The following PAK5 variants were observed in gnomAD, a reference collection of about 807,000 sequenced individuals.
The protein encoded by PAK5 is p21 (RAC1) activated kinase 5.
PAK5 carries 16 observed loss-of-function variants against 65.9 expected under a neutral mutation model. The observed-to-expected ratio is 0.24, with a 90% CI of 0.16 to 0.37. The LOEUF is 0.37. Ranked by LOEUF, PAK5 falls within the 10% of genes least tolerant of loss-of-function variation. The probability of loss-of-function intolerance (pLI) is 1.00; values close to 1 mark genes in which losing one functional copy is unlikely to be tolerated. For synonymous variants in PAK5, 371 were observed against 354.9 expected (o/e 1.05, Z -0.51); for missense variants, 785 against 903.9 (o/e 0.87, Z 1.69).
At chr20:9,782,831 A>C (rs1415289426) in intron 1 of PAK5, among the ~76,000 whole-genome samples, 1 of 152,136 alleles carries the variant, frequency 6.6e-6, no homozygotes, top group Non-Finnish European at 1.5e-5. Context: ...GTCCCAGAGG[A>C]GGCCCCACCC....
chr20:9,610,857 C>T (rs149514192), intron 3 of PAK5, among the ~76,000 whole-genome samples: 105 of 152,254 alleles, frequency 6.9e-4, no homozygotes, highest in Non-Finnish European at 1.1e-3. Context: ...GAGATTAGTG[C>T]CCTTATAAAA....
intron 1 of PAK5, among the ~76,000 whole-genome samples, chr20:9,749,946 C>T (rs545167956): frequency 6.6e-5 from 10 of 152,270 alleles, no homozygotes; most frequent in Middle Eastern, 3.4e-3. Flanking sequence ...CACTGCCTTA[C>T]GTTATCAGCT....
chr20:9,772,148 G>A (rs77467524), intron 1 of PAK5, among the ~76,000 whole-genome samples: 2,153 of 152,152 alleles, frequency 0.014, 76 homozygotes, highest in East Asian at 0.14. Flanking sequence ...ACAAATTTCC[G>A]AAAACTAAGG....
chr20:9,774,736 G>C (rs1375386315), intron 1 of PAK5, among the ~76,000 whole-genome samples: 1 of 152,040 alleles, frequency 6.6e-6, no homozygotes, highest in Non-Finnish European at 1.5e-5. Context: ...GAGGTCAGGA[G>C]ATCGAGACCA....
intron 3 of PAK5, among the ~76,000 whole-genome samples, chr20:9,628,541 A>G (rs1223144952): frequency 6.6e-6 from 1 of 152,236 alleles, no homozygotes; most frequent in Non-Finnish European, 1.5e-5. Context: ...TTCTGTTATA[A>G]CATTATGTTT....
At chr20:9,645,328 A>G (rs1241180048) in intron 2 of PAK5, among the ~76,000 whole-genome samples, 1 of 152,256 alleles carries the variant, frequency 6.6e-6, no homozygotes, top group East Asian at 1.9e-4. Context: ...TAGGCAAAGT[A>G]TGCTTTATGA....
At chr20:9,809,042 A>AT (rs1357999256) in intron 1 of PAK5, among the ~76,000 whole-genome samples, 1 of 151,990 alleles carries the variant, frequency 6.6e-6, no homozygotes, top group Non-Finnish European at 1.5e-5. Flanking sequence ...ATATTATTCT[A>AT]TTTTTTATGT....
In PAK5 at chr20:9,544,366, T is replaced by C; in HGVS notation, c.1869+3A>G. ...GCCACGCCTATGACTGTGACCCCCTTACCTCTGTCCCATAAGGTAGCCTAG... is the reference window on the plus strand; with the variant it reads ...GCCACGCCTATGACTGTGACCCCCTCACCTCTGTCCCATAAGGTAGCCTAG... On this transcript the variant is annotated splice_donor_region_variant and intron_variant, in intron 8 of 9. Transcript: ENST00000353224. 3 of 1,613,644 alleles carry C rather than the reference T, an allele frequency of 1.9e-6. No homozygotes were observed. Among genetic ancestry groups the C allele is most frequent in the Non-Finnish European group, 2.5e-6 (3 of 1,179,872 alleles).
At chr20:9,579,240 C>A (rs1433540201) in intron 4 of PAK5, among the ~76,000 whole-genome samples, 4 of 152,172 alleles carry the variant, frequency 2.6e-5, no homozygotes, top group Non-Finnish European at 5.9e-5. Flanking sequence ...TGCTTCAAGA[C>A]CTCTATGTAA....
At chr20:9,715,231 C>T (rs1360348587) in intron 1 of PAK5, among the ~76,000 whole-genome samples, 4 of 152,054 alleles carry the variant, frequency 2.6e-5, no homozygotes, top group African/African-American at 9.7e-5. Context: ...AACAAGTGGG[C>T]AAAGGATATG....
At chr20:9,699,907 C>T (rs1489733907) in intron 2 of PAK5, among the ~76,000 whole-genome samples, 2 of 152,134 alleles carry the variant, frequency 1.3e-5, no homozygotes, top group South Asian at 2.1e-4. Flanking sequence ...ACTTAAGAAC[C>T]TCCTTCAAAT....
chr20:9,621,320 A>C (rs2046764050), intron 3 of PAK5, among the ~76,000 whole-genome samples: 1 of 152,022 alleles, frequency 6.6e-6, no homozygotes, highest in African/African-American at 2.4e-5. Context: ...GCAGAATTTA[A>C]CAAATAATAG....
intron 1 of PAK5, among the ~76,000 whole-genome samples, chr20:9,832,339 C>T (rs1378426410): frequency 6.6e-6 from 1 of 152,052 alleles, no homozygotes; most frequent in East Asian, 1.9e-4. Flanking sequence ...GTAACGCGAT[C>T]TCGGCTTACT....
intron 1 of PAK5, among the ~76,000 whole-genome samples, chr20:9,836,898 G>A (rs139646107): frequency 2.2e-3 from 342 of 152,256 alleles, no homozygotes; most frequent in South Asian, 5.8e-3. Context: ...GCTTAGGAAA[G>A]TTAAATAATT....
intron 4 of PAK5, among the ~76,000 whole-genome samples, chr20:9,568,429 A>G (rs2123011981): frequency 6.6e-6 from 1 of 152,306 alleles, no homozygotes; most frequent in South Asian, 2.1e-4. Context: ...GCAACAGGCC[A>G]TTTAATGAGA....
chr20:9,701,047 C>T (rs552217687), intron 2 of PAK5, among the ~76,000 whole-genome samples: 1 of 152,100 alleles, frequency 6.6e-6, no homozygotes, highest in Non-Finnish European at 1.5e-5. Flanking sequence ...TTACACAGGC[C>T]TACGTTTCCC....
intron 7 of PAK5, among the ~76,000 whole-genome samples, chr20:9,549,523 A>T (rs2045395253): frequency 6.6e-6 from 1 of 152,206 alleles, no homozygotes; most frequent in Non-Finnish European, 1.5e-5. Context: ...ACCAACTAGC[A>T]TGAAAATCTT....
At chr20:9,674,017 G>C (rs2047535158) in intron 2 of PAK5, among the ~76,000 whole-genome samples, 1 of 152,170 alleles carries the variant, frequency 6.6e-6, no homozygotes, top group African/African-American at 2.4e-5. Context: ...GCATGCAAAT[G>C]GGACTGATGT....
chr20:9,781,814 C>T (rs2048943579), intron 1 of PAK5, among the ~76,000 whole-genome samples: 1 of 152,142 alleles, frequency 6.6e-6, no homozygotes, highest in African/African-American at 2.4e-5. Context: ...CTCACTTCCT[C>T]CACTGTTAAC....
Sources: gnomAD v4.1 joint callset for allele counts (sites outside exome capture counted in the v4.1 genomes callset) on GRCh38, gnomAD v4.1.1 for gene constraint, MANE v1.5 for transcripts, NCBI Gene and HGNC (gene_info 2026-07-23, HGNC 2026-07-21) for gene names.